The following COL26A1 variants were observed in gnomAD, a reference collection of about 807,000 sequenced individuals.
The protein encoded by COL26A1 is collagen alpha-1(XXVI) chain.
In COL26A1, 41 loss-of-function variants were observed where a neutral mutation model predicts 59.3. The ratio of observed to expected loss-of-function variants is 0.69; its 90% CI spans 0.54 to 0.90. The LOEUF (loss-of-function observed/expected upper bound fraction) is 0.90. Among genes scored for constraint, COL26A1 ranks in the 40% least tolerant of loss-of-function variants. The pLI, the probability that COL26A1 is intolerant of heterozygous loss-of-function variation, is 0.00. For missense variants in COL26A1, 612 were observed against 602.3 expected, an observed-to-expected ratio of 1.02 and a Z score of -0.17; for synonymous variants, 266 against 256.0, an observed-to-expected ratio of 1.04 and a Z score of -0.37.
chr7:101,464,655 C>T (rs1293216808), intron 3 of COL26A1, among the ~76,000 whole-genome samples: 1 of 152,186 alleles, frequency 6.6e-6, no homozygotes, highest in Non-Finnish European at 1.5e-5. Flanking sequence ...AGGTGATCCA[C>T]CCACCTTGGC....
chr7:101,504,809 G>C (rs1271246726), intron 3 of COL26A1, among the ~76,000 whole-genome samples: 1 of 150,066 alleles, frequency 6.7e-6, no homozygotes, highest in South Asian at 2.1e-4. Context: ...TGCCCAGACT[G>C]TGTGTGTGTG....
chr7:101,500,355 A>C (rs369504049), intron 3 of COL26A1, among the ~76,000 whole-genome samples: 24 of 152,134 alleles, frequency 1.6e-4, no homozygotes, highest in African/African-American at 5.6e-4. Context: ...CCCCATCTCG[A>C]TCCCAAACAC....
chr7:101,400,771 C>T (rs1455721360), intron 1 of COL26A1, among the ~76,000 whole-genome samples: 2 of 152,098 alleles, frequency 1.3e-5, no homozygotes, highest in African/African-American at 4.8e-5. Context: ...GTTGGCCAGG[C>T]TGGTCTTGAA....
chr7:101,473,930 A>G (rs907124269), intron 3 of COL26A1, among the ~76,000 whole-genome samples: 1 of 152,228 alleles, frequency 6.6e-6, no homozygotes, highest in African/African-American at 2.4e-5. Context: ...GAAATGGGAA[A>G]AAATGATGCA....
intron 3 of COL26A1, among the ~76,000 whole-genome samples, chr7:101,466,132 G>T (rs1010479273): frequency 2.6e-5 from 4 of 152,030 alleles, no homozygotes; most frequent in African/African-American, 4.8e-5. Flanking sequence ...AGAGTGGAAA[G>T]GCCACAGGCG....
chr7:101,471,340 G>A (rs986880142), intron 3 of COL26A1, among the ~76,000 whole-genome samples: 4 of 152,120 alleles, frequency 2.6e-5, no homozygotes, highest in Non-Finnish European at 2.9e-5. Context: ...GTGTGTTACC[G>A]GAAAGGAGTG....
At chr7:101,416,433 C>G (rs992038785) in intron 1 of COL26A1, among the ~76,000 whole-genome samples, 9 of 143,622 alleles carry the variant, frequency 6.3e-5, no homozygotes, top group African/African-American at 2.2e-4. Flanking sequence ...CCACACCCAG[C>G]CTGAACTCAT....
rs866178490 is a variant in COL26A1, at chr7:101,473,608, C to A, written c.385+25821C>A. 2.6e-3 allele frequency among the ~76,000 whole-genome samples: 373 copies of A among 143,474 alleles called. 4 individuals carry two copies. The highest frequency in any genetic ancestry group is 3.0e-3 in the South Asian group (13 of 4,390). The allele number at this position is 143,474 out of a possible 152,430, so 94.1% of individuals were successfully genotyped here. ...CAGGCAACAGAGCAACACCTTGTCT[C>A]CACACACACACACACACACACACAC... On this transcript the variant is annotated intron_variant, in intron 3 of 12. Coordinates refer to ENST00000313669, the MANE Select transcript of COL26A1 (RefSeq NM_001278563.3).
In COL26A1 at chr7:101,499,229, G is replaced by A. The variant is rs551324460; in HGVS notation, c.386-33853G>A. Among the ~76,000 whole-genome samples the A allele has an allele frequency of 3.8e-3, 572 of 152,238 alleles. 9 individuals are homozygous for A. Among genetic ancestry groups the A allele is most frequent in the Non-Finnish European group, 4.5e-3 (303 of 68,018 alleles). ...TCCTCCCAGCCATCACAAGGTGGGC[G>A]TTAGGACTCTTGATTTAAAGCTGAG... On this transcript the variant is annotated intron_variant, in intron 3 of 12. Coordinates refer to ENST00000313669, the MANE Select transcript of COL26A1 (RefSeq NM_001278563.3).
At chr7:101,519,341 C>T (rs900407935) in intron 3 of COL26A1, among the ~76,000 whole-genome samples, 3 of 152,228 alleles carry the variant, frequency 2.0e-5, no homozygotes, top group Non-Finnish European at 2.9e-5. Flanking sequence ...GACAGGGTCT[C>T]GCTCTGTGGC....
At chr7:101,549,270 C>T (rs369272203) in intron 9 of COL26A1, 47 bp downstream of exon 9, 22 of 1,411,114 alleles carry the variant, frequency 1.6e-5, no homozygotes, top group African/African-American at 1.3e-4. Flanking sequence ...CGGCGGGTGG[C>T]GGGTGGCCTT....
At chr7:101,522,570 C>T (rs1225821177) in intron 3 of COL26A1, among the ~76,000 whole-genome samples, 1 of 152,148 alleles carries the variant, frequency 6.6e-6, no homozygotes, top group Non-Finnish European at 1.5e-5. Context: ...GGGGCTTCCA[C>T]TGGAGTAACA....
chr7:101,470,434 C>T (rs1319580899), intron 3 of COL26A1, among the ~76,000 whole-genome samples: 1 of 151,864 alleles, frequency 6.6e-6, no homozygotes, highest in Non-Finnish European at 1.5e-5. Context: ...CCGGCATTCA[C>T]CCCTGCAAGC....
At chr7:101,377,723 A>C (rs754828424) in intron 1 of COL26A1, among the ~76,000 whole-genome samples, 10 of 152,144 alleles carry the variant, frequency 6.6e-5, no homozygotes, top group African/African-American at 1.4e-4. Context: ...TACTATGACC[A>C]GCAGTGACTT....
intron 11 of COL26A1, 58 bp downstream of exon 11, chr7:101,553,434 G>C: frequency 6.5e-7 from 1 of 1,547,460 alleles, no homozygotes; most frequent in Non-Finnish European, 8.9e-7. Flanking sequence ...GCACTGTCAC[G>C]GGAGGGCAGG....
intron 3 of COL26A1, among the ~76,000 whole-genome samples, chr7:101,527,912 G>A (rs538692274): frequency 2.6e-5 from 4 of 152,136 alleles, no homozygotes; most frequent in African/African-American, 9.6e-5. Context: ...GCCAGGAGGG[G>A]GCAGGATCAG....
At chr7:101,409,797 G>A (rs1271308841) in intron 1 of COL26A1, among the ~76,000 whole-genome samples, 1 of 152,076 alleles carries the variant, frequency 6.6e-6, no homozygotes, top group African/African-American at 2.4e-5. Context: ...GTCTCGCTCT[G>A]TTGCCCAGGC....
intron 1 of COL26A1, among the ~76,000 whole-genome samples, chr7:101,376,452 T>C (rs1791321373): frequency 6.6e-6 from 1 of 152,128 alleles, no homozygotes; most frequent in Non-Finnish European, 1.5e-5. Flanking sequence ...GGCTAAATGC[T>C]GAGGACTTCC....
chr7:101,557,545 A>G lies in COL26A1; in HGVS notation c.*15A>G, dbSNP rs1222263133. On this transcript the variant is annotated 3_prime_UTR_variant, in exon 13 of 13. Transcript: ENST00000313669. ...GCAGGAAGTGAGAGCCCACTGCTCC[A>G]GGACACCCTGTCCTGGCTAGAGACC... 6.3e-7 allele frequency: 1 copy of G among 1,598,860 alleles called. No homozygotes were observed. Among genetic ancestry groups the G allele is most frequent in the Admixed American group, 1.7e-5 (1 of 59,548 alleles).
Sources: gnomAD v4.1 joint callset for allele counts (sites outside exome capture counted in the v4.1 genomes callset) on GRCh38, gnomAD v4.1.1 for gene constraint, MANE v1.5 for transcripts, NCBI Gene and HGNC (gene_info 2026-07-23, HGNC 2026-07-21) for gene names.